SLC30A4: variants seen among roughly 807,000 people sequenced by gnomAD.
SLC30A4 encodes probable proton-coupled zinc antiporter SLC30A4.
SLC30A4 carries 20 observed loss-of-function variants against 41.7 expected under a neutral mutation model. That is an observed-to-expected ratio of 0.48 (90% CI 0.34 to 0.70). The LOEUF is 0.70. SLC30A4 is among the 30% of genes least tolerant of loss of function. SLC30A4 has a pLI of 0.01. For synonymous variants in SLC30A4, 181 were observed against 195.9 expected (o/e 0.92, Z 0.64); for missense variants, 441 against 529.3 (o/e 0.83, Z 1.64).
At chr15:45,495,135 C>A (rs1029753913) in intron 3 of SLC30A4, among the ~76,000 whole-genome samples, 5 of 151,582 alleles carry the variant, frequency 3.3e-5, no homozygotes, top group African/African-American at 9.7e-5. Flanking sequence ...GAGAGTGAGA[C>A]CCCTGTCTCT....
intron 3 of SLC30A4, among the ~76,000 whole-genome samples, chr15:45,496,617 G>A (rs1171241935): frequency 6.6e-6 from 1 of 151,874 alleles, no homozygotes; most frequent in African/African-American, 2.4e-5. Context: ...TAAACTCCTT[G>A]CCTCAAGCAG....
intron 5 of SLC30A4, among the ~76,000 whole-genome samples, chr15:45,488,124 G>A (rs1382838541): frequency 6.6e-6 from 1 of 152,074 alleles, no homozygotes; most frequent in African/African-American, 2.4e-5. Flanking sequence ...TAAGCCCCTT[G>A]TAATAAAGAA....
At chr15:45,518,278 T>A (rs1041499255) in intron 2 of SLC30A4, among the ~76,000 whole-genome samples, 1 of 152,218 alleles carries the variant, frequency 6.6e-6, no homozygotes, top group Non-Finnish European at 1.5e-5. Flanking sequence ...CTATGTCTTA[T>A]AGTACCTTGT....
intron 3 of SLC30A4, among the ~76,000 whole-genome samples, chr15:45,493,560 G>A (rs1891850514): frequency 6.6e-6 from 1 of 152,136 alleles, no homozygotes; most frequent in Admixed American, 6.5e-5. Flanking sequence ...GGGCATGGTG[G>A]CTCACGCCTG....
At chr15:45,500,423 A>G (rs938762699) in intron 3 of SLC30A4, among the ~76,000 whole-genome samples, 3 of 152,218 alleles carry the variant, frequency 2.0e-5, no homozygotes, top group African/African-American at 7.2e-5. Context: ...TGGATCTCAG[A>G]TTTGAACAAA....
rs998373161 is a variant in SLC30A4 at position 45,480,323 on chromosome 15, A to C, written c.*4840T>G. 2 of 152,232 alleles carry C rather than the reference A, an allele frequency of 1.3e-5. No individual in the cohort carries two copies. Among genetic ancestry groups the C allele is most frequent in the African/African-American group, 4.8e-5 (2 of 41,452 alleles). The allele number at this position is 152,232 out of a possible 1,614,324, so 9.4% of individuals were successfully genotyped here. The stretch of plus-strand genomic sequence containing the variant: ...CCCACAACACTGTCTTCTAATTTGC[A>C]TGCTCCCACGAACATCACAAATAAT... On this transcript the variant is annotated 3_prime_UTR_variant, in exon 8 of 8. Transcript: ENST00000261867.
rs767975965 is a variant in SLC30A4 at position 45,522,098 on chromosome 15, C to T, written c.257G>A (p.Ser86Asn). The T allele has an allele frequency of 6.2e-7, 1 of 1,614,244 alleles. No individual in the cohort carries two copies. Among genetic ancestry groups the T allele is most frequent in the South Asian group, 1.1e-5 (1 of 91,084 alleles). Residue 86 changes from serine (S) to asparagine (N), a missense_variant, in exon 2 of 8, where the codon AGT (serine) becomes AAT (asparagine). Physicochemically the swap from Ser to Asn is conservative, Grantham distance 46. Coordinates refer to ENST00000261867, the MANE Select transcript of SLC30A4 (RefSeq NM_013309.6). ...LLDQDLPLTN[S>N]QLSLKVDSCD... Reference sequence around the variant, plus strand: ...GGAGTCCACCTTCAAACTCAGCTGACTGTTGGTCAAAGGTAAGTCTTGGTC... The same window carrying T: ...GGAGTCCACCTTCAAACTCAGCTGATTGTTGGTCAAAGGTAAGTCTTGGTC...
intron 2 of SLC30A4, chr15:45,520,972 AAAG>A (rs1293705425): frequency 1.3e-5 from 6 of 453,262 alleles, no homozygotes; most frequent in East Asian, 7.1e-5. Flanking sequence ...GTAAGAGGAA[AAAG>A]AAGACCAGCA....
Sources: allele counts gnomAD v4.1 joint callset (sites outside exome capture counted in the v4.1 genomes callset), GRCh38; gene constraint gnomAD v4.1.1; transcripts MANE v1.5; gene names NCBI Gene and HGNC (gene_info 2026-07-23, HGNC 2026-07-21).